The following PRKG1 variants were observed in gnomAD, a reference collection of about 807,000 sequenced individuals.
The protein encoded by PRKG1 is cGMP-dependent protein kinase 1.
A neutral mutation model predicts 88.1 loss-of-function variants in PRKG1; 35 were observed. The ratio of observed to expected loss-of-function variants is 0.40; its 90% CI spans 0.30 to 0.53. The LOEUF is 0.53. PRKG1 is among the 20% of genes least tolerant of loss of function. The pLI is 0.59. For missense variants in PRKG1, 540 were observed against 839.8 expected (o/e 0.64, Z 4.41); for synonymous variants, 303 against 292.5 (o/e 1.04, Z -0.37).
At chr10:52,233,372 C>T (rs945769825) in intron 9 of PRKG1, among the ~76,000 whole-genome samples, 4 of 151,634 alleles carry the variant, frequency 2.6e-5, no homozygotes, top group Admixed American at 6.6e-5. Context: ...ACGCAGAAGA[C>T]GGGTGATTTC....
intron 4 of PRKG1, among the ~76,000 whole-genome samples, chr10:51,812,833 A>G (rs1288325617): frequency 6.6e-6 from 1 of 152,152 alleles, no homozygotes; most frequent in Admixed American, 6.5e-5. Flanking sequence ...AATTTGCTTC[A>G]AATGACAAAT....
chr10:51,916,245 A>G (rs11000121), intron 5 of PRKG1, among the ~76,000 whole-genome samples: 34,388 of 152,058 alleles, frequency 0.23, 4,338 homozygotes, highest in African/African-American at 0.26. Flanking sequence ...TGCTAATAAA[A>G]CAGGTTTCAG....
intron 5 of PRKG1, among the ~76,000 whole-genome samples, chr10:51,912,405 T>C (rs544947832): frequency 5.3e-4 from 81 of 152,294 alleles, no homozygotes; most frequent in Admixed American, 1.2e-3. Flanking sequence ...CTCTGACACT[T>C]GTGAGAAGAA....
chr10:51,852,125 T>C (rs781233319), intron 4 of PRKG1, among the ~76,000 whole-genome samples: 1 of 149,972 alleles, frequency 6.7e-6, no homozygotes, highest in Non-Finnish European at 1.5e-5. Context: ...TATTTACATA[T>C]GATATATATA....
chr10:51,684,351 T>G (rs1840930672), intron 3 of PRKG1, among the ~76,000 whole-genome samples: 1 of 152,226 alleles, frequency 6.6e-6, no homozygotes, highest in African/African-American at 2.4e-5. Flanking sequence ...AGGAAGTGGA[T>G]CCAGTGTTTC....
chr10:51,766,149 A>C (rs1237590963), intron 3 of PRKG1, among the ~76,000 whole-genome samples: 1 of 152,144 alleles, frequency 6.6e-6, no homozygotes. Flanking sequence ...TTACAGCAAA[A>C]GTTTAATAAG....
chr10:51,288,794 A>G (rs1840508845), intron 2 of PRKG1, among the ~76,000 whole-genome samples: 1 of 152,208 alleles, frequency 6.6e-6, no homozygotes, highest in Non-Finnish European at 1.5e-5. Flanking sequence ...GCAAAGAGGT[A>G]TGTGTAGTTA....
At chr10:52,072,352 A>G (rs892244774) in intron 7 of PRKG1, among the ~76,000 whole-genome samples, 9 of 152,118 alleles carry the variant, frequency 5.9e-5, no homozygotes, top group African/African-American at 2.2e-4. Context: ...AAAACAATAC[A>G]AAACAAAACA....
At chr10:51,522,832 A>C (rs1057389264) in intron 3 of PRKG1, among the ~76,000 whole-genome samples, 4 of 152,132 alleles carry the variant, frequency 2.6e-5, no homozygotes, top group African/African-American at 9.6e-5. Flanking sequence ...AAGATGATAC[A>C]TTCTTACTCA....
chr10:51,726,202 T>A lies in PRKG1; in HGVS notation c.593-78383T>A, dbSNP rs558323000. Among the ~76,000 whole-genome samples the A allele has an allele frequency of 7.9e-4, 120 of 152,360 alleles. 6 individuals are homozygous for A. Among genetic ancestry groups the A allele is most frequent in the Middle Eastern group, 6.8e-3 (2 of 294 alleles). ...TTTTTCCCCTCACTATTTTAAATCA[T>A]CAGCATTATCCTTTTACACATCACT... On this transcript the variant is annotated intron_variant, in intron 3 of 17. Transcript: ENST00000373980.
chr10:51,738,157 C>A (rs1837340172), intron 3 of PRKG1, among the ~76,000 whole-genome samples: 1 of 152,088 alleles, frequency 6.6e-6, no homozygotes, highest in Non-Finnish European at 1.5e-5. Flanking sequence ...TCAAACGTTG[C>A]CTGTTTCTTG....
intron 8 of PRKG1, among the ~76,000 whole-genome samples, chr10:52,136,488 C>T (rs1317102746): frequency 6.6e-6 from 1 of 151,894 alleles, no homozygotes; most frequent in Admixed American, 6.6e-5. Flanking sequence ...TTCCCTAATC[C>T]TAATTTTCTC....
At chr10:51,559,282 G>T (rs1837396745) in intron 3 of PRKG1, among the ~76,000 whole-genome samples, 1 of 152,018 alleles carries the variant, frequency 6.6e-6, no homozygotes, top group Non-Finnish European at 1.5e-5. Flanking sequence ...CACAAGAAAT[G>T]ATACCGACGG....
chr10:51,531,670 G>A (rs1281539104), intron 3 of PRKG1, among the ~76,000 whole-genome samples: 1 of 91,508 alleles, frequency 1.1e-5, no homozygotes, highest in Non-Finnish European at 1.9e-5. Context: ...TTTTGAGACC[G>A]TCTCACTCTT....
intron 3 of PRKG1, among the ~76,000 whole-genome samples, chr10:51,793,036 T>A (rs1407834863): frequency 2.2e-5 from 3 of 138,916 alleles, no homozygotes; most frequent in African/African-American, 2.7e-5. Flanking sequence ...CATTATTAAG[T>A]GAAAAAAAAA....
At chr10:51,888,314 A>C (rs572140938) in intron 4 of PRKG1, among the ~76,000 whole-genome samples, 1 of 152,218 alleles carries the variant, frequency 6.6e-6, no homozygotes, top group Non-Finnish European at 1.5e-5. Context: ...AAAATCAAAG[A>C]GCATATTGGC....
At position 51,618,931 on chromosome 10, in the gene PRKG1, G is replaced by A. The variant is rs973239870; in HGVS notation, c.592+151095G>A. On this transcript the variant is annotated intron_variant, in intron 3 of 17. Coordinates refer to ENST00000373980, the MANE Select transcript of PRKG1 (RefSeq NM_006258.4). Reference sequence around the variant, plus strand: ...TTACAGGTGTAAGCCACCACACCCAGCTAATTTTTTTTTTTTTTTTTTTTT... The same window carrying A: ...TTACAGGTGTAAGCCACCACACCCAACTAATTTTTTTTTTTTTTTTTTTTT... Among the ~76,000 whole-genome samples, 6 of 117,066 alleles carry A rather than the reference G, an allele frequency of 5.1e-5. No individual in the cohort carries two copies. In the Middle Eastern group the frequency reaches 0.017, roughly 325 times the overall value. The allele number at this position is 117,066 out of a possible 152,430, so 76.8% of individuals were successfully genotyped here.
intron 12 of PRKG1, among the ~76,000 whole-genome samples, chr10:52,280,356 G>T (rs1052152643): frequency 6.6e-6 from 1 of 152,026 alleles, no homozygotes; most frequent in African/African-American, 2.4e-5. Context: ...TAAAAAACAA[G>T]CCCTCTAAGA....
intron 2 of PRKG1, among the ~76,000 whole-genome samples, chr10:51,203,268 A>G (rs994259335): frequency 3.0e-4 from 45 of 152,330 alleles, no homozygotes; most frequent in African/African-American, 9.9e-4. Flanking sequence ...TGACAATTTA[A>G]TGGCAGGAAT....
Sources: gnomAD v4.1 joint callset for allele counts (sites outside exome capture counted in the v4.1 genomes callset) on GRCh38, gnomAD v4.1.1 for gene constraint, MANE v1.5 for transcripts, NCBI Gene and HGNC (gene_info 2026-07-23, HGNC 2026-07-21) for gene names.